The following ATP8A2 variants were observed in gnomAD, a reference collection of about 807,000 sequenced individuals.
The protein encoded by ATP8A2 is ATPase phospholipid transporting 8A2.
In ATP8A2, 100 loss-of-function variants were observed where a neutral mutation model predicts 165.6. The observed-to-expected ratio is 0.60, with a 90% CI of 0.51 to 0.71. The LOEUF is 0.71. ATP8A2 is among the 30% of genes least tolerant of loss of function. The pLI is 0.00. For synonymous variants in ATP8A2, 543 were observed against 548.8 expected, an observed-to-expected ratio of 0.99 and a Z score of 0.15; for missense variants, 1,227 against 1,479.5, an observed-to-expected ratio of 0.83 and a Z score of 2.80.
intron 6 of ATP8A2, among the ~76,000 whole-genome samples, chr13:25,534,934 G>A (rs1321669831): frequency 6.6e-6 from 1 of 152,194 alleles, no homozygotes; most frequent in Non-Finnish European, 1.5e-5. Flanking sequence ...GGCTGATGCC[G>A]ATGGTGTAGG....
At chr13:25,462,818 C>T (rs1161117973) in intron 1 of ATP8A2, among the ~76,000 whole-genome samples, 1 of 152,098 alleles carries the variant, frequency 6.6e-6, no homozygotes, top group Non-Finnish European at 1.5e-5. Context: ...ACAGAGGGGC[C>T]CACCATGAAT....
intron 35 of ATP8A2, among the ~76,000 whole-genome samples, chr13:26,010,304 C>G (rs1451104660): frequency 6.6e-6 from 1 of 152,130 alleles, no homozygotes; most frequent in Non-Finnish European, 1.5e-5. Flanking sequence ...TCTCATAAGC[C>G]CCATCATGAG....
chr13:26,016,655 C>T (rs1956982215), intron 36 of ATP8A2, among the ~76,000 whole-genome samples: 2 of 152,188 alleles, frequency 1.3e-5, no homozygotes, highest in Admixed American at 6.5e-5. Context: ...GAGTTCCCCC[C>T]AACCAGGAGA....
intron 2 of ATP8A2, among the ~76,000 whole-genome samples, chr13:25,474,563 A>G (rs1411273942): frequency 8.6e-5 from 13 of 151,790 alleles, no homozygotes; most frequent in Non-Finnish European, 1.9e-4. Context: ...CTCTGTCTCA[A>G]AAAAAAGAAA....
intron 6 of ATP8A2, among the ~76,000 whole-genome samples, chr13:25,536,823 T>C (rs111361573): frequency 0.011 from 1,730 of 152,344 alleles, 33 homozygotes; most frequent in African/African-American, 0.04. Context: ...ATGCTCCCAC[T>C]GATGGAGACT....
chr13:25,786,285 C>A (rs544253900), intron 27 of ATP8A2, among the ~76,000 whole-genome samples: 1 of 152,162 alleles, frequency 6.6e-6, no homozygotes, highest in South Asian at 2.1e-4. Context: ...TTTAGAATGC[C>A]CTTAACTTCT....
At chr13:25,664,704 C>A (rs1235808997) in intron 24 of ATP8A2, among the ~76,000 whole-genome samples, 2 of 152,024 alleles carry the variant, frequency 1.3e-5, no homozygotes, top group Non-Finnish European at 2.9e-5. Context: ...TAGAAAGATC[C>A]CCAGAGAGAA....
At chr13:25,720,126 T>C (rs2043342310) in intron 25 of ATP8A2, among the ~76,000 whole-genome samples, 1 of 151,798 alleles carries the variant, frequency 6.6e-6, no homozygotes, top group Non-Finnish European at 1.5e-5. Context: ...CAGCATGATT[T>C]CTGTTATCTG....
At chr13:25,395,442 G>A (rs1198019178) in intron 1 of ATP8A2, among the ~76,000 whole-genome samples, 3 of 152,078 alleles carry the variant, frequency 2.0e-5, no homozygotes, top group Non-Finnish European at 1.5e-5. Context: ...CTCAAAAAAG[G>A]CAGATTACTT....
chr13:25,511,167 A>G (rs1267100618), intron 2 of ATP8A2, among the ~76,000 whole-genome samples: 2 of 152,200 alleles, frequency 1.3e-5, no homozygotes, highest in Non-Finnish European at 2.9e-5. Flanking sequence ...GAGGCAGTGT[A>G]TCATGTTTGC....
chr13:25,544,910 G>GTTTTT (rs5802339), intron 10 of ATP8A2, among the ~76,000 whole-genome samples: 1 of 136,130 alleles, frequency 7.3e-6, no homozygotes, highest in Non-Finnish European at 1.6e-5. Context: ...TTATGAGTGA[G>GTTTTT]TTTTTTTTTT....
intron 24 of ATP8A2, among the ~76,000 whole-genome samples, chr13:25,616,380 G>A (rs1483864194): frequency 1.6e-5 from 2 of 128,844 alleles, no homozygotes; most frequent in African/African-American, 5.9e-5. Context: ...CACCCAGTCT[G>A]GAGTGCAGTG....
chr13:25,941,080 C>T (rs956588757), intron 33 of ATP8A2, among the ~76,000 whole-genome samples: 9 of 152,152 alleles, frequency 5.9e-5, no homozygotes, highest in African/African-American at 1.7e-4. Context: ...CTCTCCAGAT[C>T]GAGAACTTTC....
intron 1 of ATP8A2, among the ~76,000 whole-genome samples, chr13:25,390,850 G>A (rs912970443): frequency 2.6e-5 from 4 of 151,766 alleles, no homozygotes; most frequent in Non-Finnish European, 4.4e-5. Context: ...GCTTGAACCC[G>A]GGAGGCAGAG....
Position 25,813,406 on chromosome 13 carries a change from T to TGATATGATAA in ATP8A2, c.2680-14703_2680-14702insAGATATGATA, listed in dbSNP as rs1167724950. Among the ~76,000 whole-genome samples, 7 of 150,612 alleles carry TGATATGATAA rather than the reference T, an allele frequency of 4.6e-5. No homozygotes were observed. In the East Asian group the frequency reaches 1.2e-3, roughly 25 times the overall value. On this transcript the variant is annotated intron_variant, in intron 27 of 36. Coordinates refer to ENST00000381655, the MANE Select transcript of ATP8A2 (RefSeq NM_016529.6). ...ATATATGATATGATATGATATGATA[T>TGATATGATAA]GATATGATATGATATATGATGGTAT...
At chr13:25,695,312 T>G (rs1341251560) in intron 24 of ATP8A2, among the ~76,000 whole-genome samples, 1 of 152,198 alleles carries the variant, frequency 6.6e-6, no homozygotes, top group African/African-American at 2.4e-5. Flanking sequence ...ATAATCTTTT[T>G]GTTGGTGGAG....
At chr13:25,440,627 G>A (rs2034907448) in intron 1 of ATP8A2, among the ~76,000 whole-genome samples, 1 of 152,144 alleles carries the variant, frequency 6.6e-6, no homozygotes, top group Admixed American at 6.5e-5. Context: ...TTGCTCCATA[G>A]GTAATAGACA....
At chr13:25,912,801 C>T (rs1240976985) in intron 33 of ATP8A2, among the ~76,000 whole-genome samples, 2 of 152,068 alleles carry the variant, frequency 1.3e-5, no homozygotes, top group African/African-American at 2.4e-5. Flanking sequence ...TAGCTGTCTC[C>T]GACCTCCATT....
intron 2 of ATP8A2, among the ~76,000 whole-genome samples, chr13:25,473,763 C>T (rs1341796456): frequency 6.6e-6 from 1 of 152,160 alleles, no homozygotes; most frequent in Non-Finnish European, 1.5e-5. Context: ...TAAATAGCCT[C>T]ATATCCTTTT....
Sources: gnomAD v4.1 joint callset for allele counts (sites outside exome capture counted in the v4.1 genomes callset) on GRCh38, gnomAD v4.1.1 for gene constraint, MANE v1.5 for transcripts, NCBI Gene and HGNC (gene_info 2026-07-23, HGNC 2026-07-21) for gene names.